Variants in CNTN5 observed in about 807,000 individuals in gnomAD.
The protein encoded by CNTN5 is contactin 5.
A neutral mutation model predicts 129.1 loss-of-function variants in CNTN5; 77 were observed. The ratio of observed to expected loss-of-function variants is 0.60; its 90% CI spans 0.50 to 0.72. The LOEUF (loss-of-function observed/expected upper bound fraction) is 0.72. Ranked by LOEUF, CNTN5 falls within the 30% of genes least tolerant of loss-of-function variation. The pLI, the probability that CNTN5 is intolerant of heterozygous loss-of-function variation, is 0.00. For missense variants in CNTN5, 1,478 were observed against 1,328.8 expected (o/e 1.11, Z -1.75); for synonymous variants, 509 against 465.6 (o/e 1.09, Z -1.20).
chr11:99,577,461 T>G (rs1414625091), intron 3 of CNTN5, among the ~76,000 whole-genome samples: 1 of 152,146 alleles, frequency 6.6e-6, no homozygotes. Flanking sequence ...CAAATAGATG[T>G]TTTTACTAGA....
chr11:99,448,717 A>G (rs921042392), intron 2 of CNTN5, among the ~76,000 whole-genome samples: 1 of 146,194 alleles, frequency 6.8e-6, no homozygotes, highest in Non-Finnish European at 1.5e-5. Flanking sequence ...ATTTGCCTAA[A>G]ATTGTACAAT....
intron 16 of CNTN5, among the ~76,000 whole-genome samples, chr11:100,231,622 T>G (rs75211326): frequency 0.019 from 2,967 of 152,276 alleles, 81 homozygotes; most frequent in African/African-American, 0.066. Context: ...AAGATAAATT[T>G]TGTGGTCCCC....
chr11:99,483,905 C>G (rs1945704118), intron 2 of CNTN5, among the ~76,000 whole-genome samples: 1 of 151,846 alleles, frequency 6.6e-6, no homozygotes, highest in Non-Finnish European at 1.5e-5. Context: ...CAAAAATTAA[C>G]TCAAAATAAA....
At chr11:99,041,426 C>CTCACACT (rs1252726338) in intron 1 of CNTN5, among the ~76,000 whole-genome samples, 10 of 152,160 alleles carry the variant, frequency 6.6e-5, no homozygotes, top group African/African-American at 2.2e-4. Context: ...AGTAACCACT[C>CTCACACT]TCACACTTCA....
At chr11:99,861,608 A>T (rs1948209339) in intron 6 of CNTN5, among the ~76,000 whole-genome samples, 1 of 152,196 alleles carries the variant, frequency 6.6e-6, no homozygotes, top group East Asian at 1.9e-4. Context: ...ATTACAGGTG[A>T]TATAAAATAA....
intron 2 of CNTN5, among the ~76,000 whole-genome samples, chr11:99,328,538 C>G (rs282492): frequency 1 from 151,863 of 152,204 alleles, 75,763 homozygotes; most frequent in Middle Eastern, 1. Context: ...ATATTGTTTT[C>G]CAGTATTTTA....
intron 17 of CNTN5, among the ~76,000 whole-genome samples, chr11:100,261,316 A>G (rs992505822): frequency 1.5e-4 from 23 of 152,116 alleles, no homozygotes; most frequent in African/African-American, 5.3e-4. Context: ...ACAAATGGAA[A>G]AACATTCCAT....
chr11:99,728,438 T>C (rs1021728991), intron 3 of CNTN5, among the ~76,000 whole-genome samples: 2 of 152,222 alleles, frequency 1.3e-5, no homozygotes, highest in African/African-American at 4.8e-5. Context: ...TAGCTCTTTG[T>C]TGTTGTTGTT....
chr11:100,324,842 C>T (rs1565429366), intron 21 of CNTN5, among the ~76,000 whole-genome samples: 2 of 152,220 alleles, frequency 1.3e-5, no homozygotes, highest in South Asian at 4.1e-4. Context: ...TGAACTGCCT[C>T]ATAAATATTC....
intron 10 of CNTN5, among the ~76,000 whole-genome samples, chr11:100,063,683 G>A (rs1192730697): frequency 1.4e-5 from 2 of 144,832 alleles, no homozygotes; most frequent in African/African-American, 5.1e-5. Flanking sequence ...ACTTTGGGAG[G>A]CCATAGCAGC....
intron 1 of CNTN5, among the ~76,000 whole-genome samples, chr11:99,301,879 T>C (rs1233153921): frequency 1.3e-5 from 2 of 151,634 alleles, no homozygotes; most frequent in African/African-American, 4.8e-5. Context: ...ATGTAAAGTA[T>C]GGACTCAAAA....
chr11:99,428,101 A>G (rs1001285175), intron 2 of CNTN5, among the ~76,000 whole-genome samples: 2 of 152,172 alleles, frequency 1.3e-5, no homozygotes, highest in Non-Finnish European at 2.9e-5. Flanking sequence ...TTTACTGTAC[A>G]AAATTTGTTC....
At chr11:100,255,281 T>C (rs1950043065) in intron 16 of CNTN5, among the ~76,000 whole-genome samples, 1 of 152,220 alleles carries the variant, frequency 6.6e-6, no homozygotes. Flanking sequence ...CTATGTGTAC[T>C]TGATAGTACA....
At chr11:99,836,409 T>C (rs1365575435) in intron 4 of CNTN5, among the ~76,000 whole-genome samples, 2 of 151,854 alleles carry the variant, frequency 1.3e-5, no homozygotes, top group Non-Finnish European at 2.9e-5. Context: ...TTTTTGTCCT[T>C]GCGATAGTTT....
intron 2 of CNTN5, among the ~76,000 whole-genome samples, chr11:99,458,670 G>A (rs188111668): frequency 7.9e-5 from 12 of 152,018 alleles, no homozygotes; most frequent in African/African-American, 2.9e-4. Context: ...GAACCCAAGC[G>A]AATGCCCATA....
intron 13 of CNTN5, among the ~76,000 whole-genome samples, chr11:100,165,857 A>G (rs1470336998): frequency 6.6e-6 from 1 of 151,780 alleles, no homozygotes; most frequent in East Asian, 1.9e-4. Context: ...TTATTATTAC[A>G]TACAGAAAAA....
intron 6 of CNTN5, among the ~76,000 whole-genome samples, chr11:99,848,621 T>C (rs1474931203): frequency 6.6e-6 from 1 of 152,218 alleles, no homozygotes; most frequent in African/African-American, 2.4e-5. Context: ...TTTTCACTGA[T>C]ACAGTACTTA....
intron 3 of CNTN5, among the ~76,000 whole-genome samples, chr11:99,608,168 C>G (rs1292022918): frequency 3.3e-5 from 5 of 150,098 alleles, no homozygotes; most frequent in Admixed American, 3.3e-4. Flanking sequence ...TTTTAAACTA[C>G]TATATTATCT....
chr11:100,289,871 A>G (rs1203207022), intron 18 of CNTN5, among the ~76,000 whole-genome samples: 299 of 150,618 alleles, frequency 2.0e-3, no homozygotes, highest in African/African-American at 7.1e-3. Context: ...CCATTGTCTC[A>G]GCCCAAAATC....
Sources: gnomAD v4.1 joint callset for allele counts (sites outside exome capture counted in the v4.1 genomes callset) on GRCh38, gnomAD v4.1.1 for gene constraint, MANE v1.5 for transcripts, NCBI Gene and HGNC (gene_info 2026-07-23, HGNC 2026-07-21) for gene names.